The following KCNIP3 variants were observed in gnomAD, a reference collection of about 807,000 sequenced individuals.
The protein encoded by KCNIP3 is calsenilin.
In KCNIP3, 28 loss-of-function variants were observed where a neutral mutation model predicts 35.0. The ratio of observed to expected loss-of-function variants is 0.80; its 90% CI spans 0.59 to 1.10. KCNIP3 has a LOEUF of 1.10. Among genes scored for constraint, KCNIP3 ranks in the 50% least tolerant of loss-of-function variants. KCNIP3 has a pLI of 0.00. For synonymous variants in KCNIP3, 134 were observed against 133.8 expected (o/e 1.00, Z -0.01); for missense variants, 295 against 338.4 (o/e 0.87, Z 1.01).
intron 2 of KCNIP3, among the ~76,000 whole-genome samples, chr2:95,326,378 A>T (rs538723647): frequency 1.2e-4 from 18 of 152,116 alleles, no homozygotes; most frequent in Non-Finnish European, 1.0e-4. Context: ...ACACACTCAC[A>T]CTCACATACA....
At chr2:95,324,543 A>AATAAATAAATAAATAC (rs1349832121) in intron 2 of KCNIP3, among the ~76,000 whole-genome samples, 1 of 150,842 alleles carries the variant, frequency 6.6e-6, no homozygotes, top group Non-Finnish European at 1.5e-5. Context: ...TAAATAAATA[A>AATAAATAAATAAATAC]ATAAATAAAT....
At chr2:95,340,209 T>A (rs1269611031) in intron 2 of KCNIP3, among the ~76,000 whole-genome samples, 1 of 152,160 alleles carries the variant, frequency 6.6e-6, no homozygotes, top group African/African-American at 2.4e-5. Flanking sequence ...TGGTGGTGCA[T>A]GCCTGTAATC....
chr2:95,318,313 G>A (rs565776353), intron 2 of KCNIP3, among the ~76,000 whole-genome samples: 1 of 152,148 alleles, frequency 6.6e-6, no homozygotes, highest in Non-Finnish European at 1.5e-5. Context: ...TGACTCGACC[G>A]CCCAGGCCCT....
intron 2 of KCNIP3, among the ~76,000 whole-genome samples, chr2:95,325,791 ACT>A (rs1169260060): frequency 5.3e-4 from 81 of 151,556 alleles, no homozygotes; most frequent in African/African-American, 1.7e-3. Flanking sequence ...ACTCATACAC[ACT>A]CATACACACA....
At chr2:95,368,058 G>A (rs1188453942) in intron 2 of KCNIP3, among the ~76,000 whole-genome samples, 7 of 152,166 alleles carry the variant, frequency 4.6e-5, no homozygotes, top group Non-Finnish European at 8.8e-5. Context: ...CACCGCGCCC[G>A]GCCTGTTACT....
chr2:95,376,604 G>A lies in KCNIP3; in HGVS notation c.447+1396G>A, dbSNP rs1340960144. On this transcript the variant is annotated intron_variant, in intron 5 of 8. Coordinates refer to ENST00000295225, the MANE Select transcript of KCNIP3 (RefSeq NM_013434.5). The surrounding 1 kb of genome is among the most constrained non-coding windows in gnomAD (Gnocchi z 4.2). ...TTCCTGGGCCTTCTGCAGCTTCTCTGCACGTGAAACGAAGTCCTCTGGCTT... is the reference window on the plus strand; with the variant it reads ...TTCCTGGGCCTTCTGCAGCTTCTCTACACGTGAAACGAAGTCCTCTGGCTT... Among the ~76,000 whole-genome samples the A allele has an allele frequency of 3.9e-5, 6 of 152,344 alleles. No homozygotes were observed. The highest frequency in any genetic ancestry group is 3.3e-4 in the Admixed American group (5 of 15,308).
intron 1 of KCNIP3, among the ~76,000 whole-genome samples, chr2:95,306,704 A>G (rs1678181541): frequency 6.6e-6 from 1 of 152,160 alleles, no homozygotes; most frequent in Admixed American, 6.5e-5. Flanking sequence ...GCAAGGAGGC[A>G]CTGGGGCTCC....
Position 95,330,573 on chromosome 2 carries a change from A to G in KCNIP3, c.181+20053A>G, listed in dbSNP as rs370504988. ...ACCCCCCAGGGCAGCTGCCCAGTGT[A>G]AAACTCTCACAGCCAGACAAACACC... On this transcript the variant is annotated intron_variant, in intron 2 of 8. Transcript: ENST00000295225. Among the ~76,000 whole-genome samples, 3 of 152,366 alleles carry G rather than the reference A, an allele frequency of 2.0e-5. No individual in the cohort carries two copies. In the East Asian group the frequency reaches 5.8e-4, roughly 29 times the overall value.
At chr2:95,342,300 CTG>C (rs1198753688) in intron 2 of KCNIP3, among the ~76,000 whole-genome samples, 3 of 152,244 alleles carry the variant, frequency 2.0e-5, no homozygotes, top group African/African-American at 7.2e-5. Context: ...ATTAACCACT[CTG>C]TGCTTCAACT....
At chr2:95,318,843 T>G (rs1450262681) in intron 2 of KCNIP3, among the ~76,000 whole-genome samples, 1 of 152,102 alleles carries the variant, frequency 6.6e-6, no homozygotes, top group Admixed American at 6.5e-5. Flanking sequence ...CAAAGAGAGA[T>G]AAAATGATGT....
chr2:95,306,937 T>C (rs1053459940), intron 1 of KCNIP3, among the ~76,000 whole-genome samples: 2 of 152,180 alleles, frequency 1.3e-5, no homozygotes, highest in Non-Finnish European at 2.9e-5. Flanking sequence ...GTGTCAGATA[T>C]TCATGAGGAT....
intron 2 of KCNIP3, among the ~76,000 whole-genome samples, chr2:95,370,878 A>C (rs1251926623): frequency 2.6e-5 from 4 of 151,992 alleles, no homozygotes; most frequent in Admixed American, 2.6e-4. Context: ...CTCATGCCCC[A>C]GCCTCCTGAG....
At chr2:95,335,962 T>C (rs1401421950) in intron 2 of KCNIP3, among the ~76,000 whole-genome samples, 2 of 152,210 alleles carry the variant, frequency 1.3e-5, no homozygotes, top group South Asian at 2.1e-4. Flanking sequence ...TGTTTTCTAT[T>C]TGTCACATGC....
In KCNIP3 at chr2:95,385,696, G is replaced by A. The variant is rs1349319950; in HGVS notation, c.*1647G>A. On this transcript the variant is annotated 3_prime_UTR_variant, in exon 9 of 9. Coordinates refer to ENST00000295225, the MANE Select transcript of KCNIP3 (RefSeq NM_013434.5). ...TCACACACAGCCTGGCCTCCCCTGC[G>A]GAGCTGCATGGACGCCTGGCTCCAG... 6.5e-6 allele frequency: 1 copy of A among 152,742 alleles called. No individual in the cohort carries two copies. Among genetic ancestry groups the A allele is most frequent in the East Asian group, 1.9e-4 (1 of 5,186 alleles). 9.5% of individuals were successfully genotyped at this position (152,742 alleles called of 1,614,324 possible).
At chr2:95,356,174 C>T (rs569056794) in intron 2 of KCNIP3, among the ~76,000 whole-genome samples, 9 of 152,224 alleles carry the variant, frequency 5.9e-5, no homozygotes, top group South Asian at 2.1e-4. Flanking sequence ...ATATCCTTTG[C>T]CCACTTTTTG....
At chr2:95,326,018 C>T (rs1303803015) in intron 2 of KCNIP3, among the ~76,000 whole-genome samples, 1 of 151,546 alleles carries the variant, frequency 6.6e-6, no homozygotes, top group Non-Finnish European at 1.5e-5. Flanking sequence ...CACACATACA[C>T]ATTCACTCAT....
intron 2 of KCNIP3, among the ~76,000 whole-genome samples, chr2:95,343,232 C>A (rs576341821): frequency 6.6e-6 from 1 of 152,022 alleles, no homozygotes; most frequent in Non-Finnish European, 1.5e-5. Context: ...GGCTGAACAG[C>A]TGAGATGGGG....
chr2:95,334,623 C>T (rs1232173025), intron 2 of KCNIP3, among the ~76,000 whole-genome samples: 2 of 152,212 alleles, frequency 1.3e-5, no homozygotes, highest in Admixed American at 1.3e-4. Context: ...TGGCCTTACC[C>T]AGTCCTGCCA....
intron 2 of KCNIP3, among the ~76,000 whole-genome samples, chr2:95,320,921 C>G (rs1439369667): frequency 1.7e-4 from 22 of 128,348 alleles, no homozygotes; most frequent in African/African-American, 6.2e-4. Flanking sequence ...TCCTCCCTGC[C>G]CCCCCAGCCT....
Sources: allele counts gnomAD v4.1 joint callset (sites outside exome capture counted in the v4.1 genomes callset), GRCh38; gene constraint gnomAD v4.1.1; non-coding constraint Gnocchi (gnomAD v3.1); transcripts MANE v1.5; gene names NCBI Gene and HGNC (gene_info 2026-07-23, HGNC 2026-07-21).